LRCH1: variants seen among roughly 807,000 people sequenced by gnomAD.
LRCH1 encodes leucine rich repeats and calponin homology domain containing 1, also known as leucine-rich repeat and calponin homology domain-containing protein 1.
A neutral mutation model predicts 94.9 loss-of-function variants in LRCH1; 23 were observed. That is an observed-to-expected ratio of 0.24 (90% CI 0.17 to 0.34). LRCH1 has a LOEUF of 0.34. Ranked by LOEUF, LRCH1 falls within the 10% of genes least tolerant of loss-of-function variation. LRCH1 has a pLI of 1.00. For synonymous variants in LRCH1, 364 were observed against 354.9 expected (o/e 1.03, Z -0.29); for missense variants, 790 against 945.9 (o/e 0.84, Z 2.16).
chr13:46,692,461 T>G (rs569329757), intron 7 of LRCH1, 75 bp from the exon 8 acceptor site: 1 of 1,046,126 alleles, frequency 9.6e-7, no homozygotes, highest in Admixed American at 1.9e-5. Flanking sequence ...AGGATGTTGT[T>G]TTATTACATA....
At position 46,705,108 on chromosome 13, in the gene LRCH1, T is replaced by C. The variant is rs1300687805; in HGVS notation, c.1441T>C (p.Tyr481His). 1.9e-6 allele frequency: 3 copies of C among 1,608,212 alleles called. No homozygotes were observed. Among genetic ancestry groups the C allele is most frequent in the Non-Finnish European group, 1.7e-6 (2 of 1,177,254 alleles). Residue 481 changes from tyrosine to histidine, a missense_variant, in exon 12 of 20, where the codon TAT becomes CAT. This residue lies in a region of LRCH1 where 460 missense variants were observed against 508.9 expected (regional missense o/e 0.90). Transcript: ENST00000389797. ...DITERSVLNL[Y>H]PMGSAEALEL... is the part of the protein sequence containing the mutation. The stretch of plus-strand genomic sequence containing the variant: ...TACAGAGAGAAGTGTTTTAAACCTA[T>C]ATCCTATGGGATCAGCAGAAGCCTT...
At chr13:46,623,304 A>G (rs1282578110) in intron 1 of LRCH1, among the ~76,000 whole-genome samples, 1 of 152,106 alleles carries the variant, frequency 6.6e-6, no homozygotes, top group Non-Finnish European at 1.5e-5. Context: ...TAGACTGAGT[A>G]GGGGCTTTGG....
At chr13:46,685,235 G>A (rs1566224683) in intron 4 of LRCH1, among the ~76,000 whole-genome samples, 1 of 152,112 alleles carries the variant, frequency 6.6e-6, no homozygotes, top group Non-Finnish European at 1.5e-5. Context: ...TGCCAGTGTC[G>A]TTTTGAATGC....
chr13:46,596,772 G>A (rs1025310210), intron 1 of LRCH1, among the ~76,000 whole-genome samples: 2 of 152,222 alleles, frequency 1.3e-5, no homozygotes, highest in Non-Finnish European at 2.9e-5. Flanking sequence ...GCAGGTGGTA[G>A]ATGCTGGTAG....
rs1422424626 is a variant in LRCH1 at position 46,695,142 on chromosome 13, G to A, written c.1245+125G>A. The A allele has an allele frequency of 8.7e-6, 10 of 1,146,438 alleles. 1 individual carries two copies. Among genetic ancestry groups the A allele is most frequent in the East Asian group, 7.1e-5 (3 of 42,214 alleles). 71.0% of individuals were successfully genotyped at this position (1,146,438 alleles called of 1,614,324 possible). A position where few individuals can be genotyped will look rare whatever the true frequency, so the allele number is the denominator to read the frequency against. The stretch of plus-strand genomic sequence containing the variant: ...CAGCTTGCTGCACCCTCCCTGAAGC[G>A]TTCCAAACATCTCAGCGCTCAGCGT... On this transcript the variant is annotated intron_variant, in intron 9 of 19. Transcript: ENST00000389797.
At chr13:46,714,058 T>C (rs1364709020) in intron 15 of LRCH1, among the ~76,000 whole-genome samples, 1 of 152,248 alleles carries the variant, frequency 6.6e-6, no homozygotes, top group Non-Finnish European at 1.5e-5. Context: ...ACTCAACTTA[T>C]TACAGTTAGG....
chr13:46,639,507 G>T (rs1452137784), intron 1 of LRCH1, among the ~76,000 whole-genome samples: 1 of 152,170 alleles, frequency 6.6e-6, no homozygotes, highest in Non-Finnish European at 1.5e-5. Context: ...AGGCAATAAG[G>T]TATTTGTTAC....
At chr13:46,638,760 A>C (rs2051123063) in intron 1 of LRCH1, among the ~76,000 whole-genome samples, 1 of 152,232 alleles carries the variant, frequency 6.6e-6, no homozygotes, top group South Asian at 2.1e-4. Flanking sequence ...TATCAAAATA[A>C]AAAAAGTTTG....
intron 1 of LRCH1, among the ~76,000 whole-genome samples, chr13:46,624,964 C>G (rs1017823796): frequency 6.6e-6 from 1 of 152,230 alleles, no homozygotes; most frequent in Non-Finnish European, 1.5e-5. Flanking sequence ...TAAAAACCTT[C>G]AGTAGCCTGC....
chr13:46,623,453 G>C (rs2050904288), intron 1 of LRCH1, among the ~76,000 whole-genome samples: 1 of 152,118 alleles, frequency 6.6e-6, no homozygotes, highest in African/African-American at 2.4e-5. Flanking sequence ...TAAAATGTTA[G>C]ATTTTTAGTA....
At chr13:46,700,851 C>T (rs1317872129) in intron 10 of LRCH1, among the ~76,000 whole-genome samples, 1 of 152,208 alleles carries the variant, frequency 6.6e-6, no homozygotes, top group Non-Finnish European at 1.5e-5. Context: ...CATTGCCTGA[C>T]TGTGCACAGG....
In LRCH1 at chr13:46,685,927, A is replaced by G. The variant is rs1479682072; in HGVS notation, c.708A>G (p.Val236=). 1.3e-6 allele frequency: 2 copies of G among 1,599,560 alleles called. No individual in the cohort carries two copies. Among genetic ancestry groups the G allele is most frequent in the Non-Finnish European group, 1.7e-6 (2 of 1,174,572 alleles). ...TAGAACTAGTAGATCTTTCCTTGGT[A>G]AAGTTTGACTTTTCCTGCAACAAAG... is the stretch of plus-strand genomic sequence containing the variant. ...LPQELVDLSL[V]KFDFSCNKVL... is the part of the protein sequence containing the mutation. Residue 236 remains valine, a synonymous_variant, in exon 5 of 20, where the codon GTA becomes GTG. Transcript: ENST00000389797.
chr13:46,717,747 T>C (rs1872394077), intron 16 of LRCH1: 1 of 152,244 alleles, frequency 6.6e-6, no homozygotes, highest in Non-Finnish European at 1.5e-5. Context: ...TTGGTAAGGT[T>C]GTCCTTTTTT....
intron 1 of LRCH1, among the ~76,000 whole-genome samples, chr13:46,572,649 A>T (rs1273646715): frequency 3.3e-5 from 5 of 152,234 alleles, no homozygotes; most frequent in Non-Finnish European, 7.3e-5. Flanking sequence ...CATATGGAAG[A>T]TAGAATAAGA....
chr13:46,733,148 C>T (rs2138236595), intron 18 of LRCH1, among the ~76,000 whole-genome samples: 1 of 152,262 alleles, frequency 6.6e-6, no homozygotes, highest in South Asian at 2.1e-4. Context: ...ATGCGTCTTG[C>T]TTTCTTTCCT....
At chr13:46,729,099 G>T (rs1872975061) in intron 18 of LRCH1, 115 bp downstream of exon 18, 1 of 986,092 alleles carries the variant, frequency 1.0e-6, no homozygotes, top group Admixed American at 3.4e-5. Flanking sequence ...TTTCCATTGG[G>T]CCCCAAACCA....
chr13:46,623,693 G>GTTTTTTTTTTTTTTTTTTTT (rs5803361), intron 1 of LRCH1, among the ~76,000 whole-genome samples: 11 of 128,512 alleles, frequency 8.6e-5, no homozygotes, highest in Middle Eastern at 4.3e-3. Flanking sequence ...CCCTGTCTCT[G>GTTTTTTTTTTTTTTTTTTTT]TTTTTTTTTT....
intron 15 of LRCH1, among the ~76,000 whole-genome samples, chr13:46,714,599 G>A (rs1225443455): frequency 6.6e-6 from 1 of 152,094 alleles, no homozygotes; most frequent in African/African-American, 2.4e-5. Context: ...TCTTAAAGTA[G>A]GCTGGCAGTT....
chr13:46,742,381 G>A lies in LRCH1; in HGVS notation c.*533G>A, dbSNP rs1873708616. ...CTTTAATAATACCACTACTGACCAA[G>A]TTGGACGTGTACACGTACTCACACT... On this transcript the variant is annotated 3_prime_UTR_variant, in exon 20 of 20. Transcript: ENST00000389797. 12 of 993,014 alleles carry A rather than the reference G, an allele frequency of 1.2e-5. No homozygotes were observed. The South Asian group carries it at 4.1e-4, about 34-fold the overall frequency. The allele number at this position is 993,014 out of a possible 1,614,324, so 61.5% of individuals were successfully genotyped here. A position where few individuals can be genotyped will look rare whatever the true frequency, so the allele number is the denominator to read the frequency against.
Sources: gnomAD v4.1 joint callset for allele counts (sites outside exome capture counted in the v4.1 genomes callset) on GRCh38, gnomAD v4.1.1 for gene constraint, gnomAD v4.1.1 regional missense constraint, MANE v1.5 for transcripts, NCBI Gene and HGNC (gene_info 2026-07-23, HGNC 2026-07-21) for gene names.